The following TUBGCP2 variants were observed in gnomAD, a reference collection of about 807,000 sequenced individuals.
The protein encoded by TUBGCP2 is tubulin gamma complex component 2, also known as gamma-tubulin complex component 2.
Under a neutral mutation model 92.2 loss-of-function variants are expected in TUBGCP2, and 55 were observed. That is an observed-to-expected ratio of 0.60 (90% CI 0.48 to 0.75). TUBGCP2 has a LOEUF of 0.75. Among genes scored for constraint, TUBGCP2 ranks in the 30% least tolerant of loss-of-function variants. The pLI is 0.00. For missense variants in TUBGCP2, 1,093 were observed against 1,188.9 expected (o/e 0.92, Z 1.19); for synonymous variants, 533 against 505.2 (o/e 1.06, Z -0.74).
chr10:133,284,090 T>G (rs1847066671), intron 13 of TUBGCP2, 88 bp from the exon 14 acceptor site: 6 of 1,553,240 alleles, frequency 3.9e-6, no homozygotes, highest in Non-Finnish European at 5.2e-6. Flanking sequence ...AGGACAGCCA[T>G]GGAGGACGTT....
At chr10:133,312,329 T>C (rs1006190501), upstream of TUBGCP2, 23 of 1,168,466 alleles carry the variant, frequency 2.0e-5, no homozygotes, top group Non-Finnish European at 2.4e-5. Context: ...CTAGTTAAAG[T>C]TGATTTTAAA....
chr10:133,300,586 A>G (rs974384582), intron 2 of TUBGCP2: 1 of 154,428 alleles, frequency 6.5e-6, no homozygotes, highest in Non-Finnish European at 1.4e-5. Flanking sequence ...AAACAAAACA[A>G]AACAAACCTT....
At chr10:133,302,606 C>T in intron 2 of TUBGCP2, 186 bp downstream of exon 2, 1 of 661,092 alleles carries the variant, frequency 1.5e-6, no homozygotes, top group Non-Finnish European at 2.6e-6. Flanking sequence ...AGTGTTCATC[C>T]TGCACCCTGA....
At chr10:133,307,061 C>T (rs887944093) in intron 1 of TUBGCP2, among the ~76,000 whole-genome samples, 1 of 152,214 alleles carries the variant, frequency 6.6e-6, no homozygotes, top group Non-Finnish European at 1.5e-5. Flanking sequence ...GCGGGGGATG[C>T]TAATCATCAA....
chr10:133,291,331 A>ACG (rs1564938964), intron 8 of TUBGCP2, among the ~76,000 whole-genome samples: 7 of 14,254 alleles, frequency 4.9e-4, no homozygotes, highest in Admixed American at 2.4e-3. Context: ...GGCAGCATGC[A>ACG]CCGTCCGTGT....
chr10:133,286,964 G>C (rs1417476257), intron 11 of TUBGCP2, among the ~76,000 whole-genome samples: 1 of 152,098 alleles, frequency 6.6e-6, no homozygotes, highest in Non-Finnish European at 1.5e-5. Context: ...GCAGACAGGA[G>C]TAACAAAGAT....
At chr10:133,310,320 C>G, upstream of TUBGCP2, 1 of 1,611,778 alleles carries the variant, frequency 6.2e-7, no homozygotes, top group Non-Finnish European at 8.5e-7. Flanking sequence ...CACGTGTCTG[C>G]TTTTGATTTT....
chr10:133,309,421 A>C (rs147218077), upstream of TUBGCP2: 462 of 1,612,496 alleles, frequency 2.9e-4, no homozygotes, highest in Non-Finnish European at 3.6e-4. Flanking sequence ...CTCTACCTCC[A>C]GGACGTGATC....
At chr10:133,311,909 A>C (rs780221193), upstream of TUBGCP2, 1 of 1,613,056 alleles carries the variant, frequency 6.2e-7, no homozygotes. Flanking sequence ...TCTGGGCTGC[A>C]CCTGGGCCGC....
chr10:133,289,337 C>T (rs1166104767), intron 9 of TUBGCP2, among the ~76,000 whole-genome samples: 1 of 152,220 alleles, frequency 6.6e-6, no homozygotes. Context: ...TTCGAACAGG[C>T]ATTATGAGAA....
chr10:133,301,700 C>CTTTTTTTTTTTTTTTTTTTT (rs71016439), intron 2 of TUBGCP2: 5 of 87,254 alleles, frequency 5.7e-5, no homozygotes, highest in African/African-American at 2.0e-4. Flanking sequence ...CAGTCCCTCC[C>CTTTTTTTTTTTTTTTTTTTT]TTTTTTTTTT....
At chr10:133,300,744 C>T (rs1022431104) in intron 2 of TUBGCP2, among the ~76,000 whole-genome samples, 4 of 152,114 alleles carry the variant, frequency 2.6e-5, no homozygotes, top group African/African-American at 7.2e-5. Context: ...AAAGTGCTGG[C>T]GTTACAGGTG....
Position 133,285,261 on chromosome 10 carries a change from C to T in TUBGCP2, c.1896-48G>A, listed in dbSNP as rs371277613. The T allele has an allele frequency of 3.4e-5, 55 of 1,606,924 alleles. No individual in the cohort carries two copies. Among genetic ancestry groups the T allele is most frequent in the Middle Eastern group, 1.6e-4 (1 of 6,082 alleles). On this transcript the variant is annotated intron_variant, in intron 12 of 17. Transcript: ENST00000252936. This position sits in a 1 kb window ranked among gnomAD's most constrained non-coding sequence, Gnocchi z 6.8. ...TCAGGTGGGCCTCCGTGACCGGCGG[C>T]GTCGTGGACACGGCGTCTGTACTCC...
At chr10:133,301,128 GGGTTAT>G (rs1847642022) in intron 2 of TUBGCP2, among the ~76,000 whole-genome samples, 1 of 152,140 alleles carries the variant, frequency 6.6e-6, no homozygotes, top group East Asian at 1.9e-4. Flanking sequence ...GCAACCCTAG[GGGTTAT>G]GCTTTTTCTT....
intron 8 of TUBGCP2, among the ~76,000 whole-genome samples, chr10:133,291,269 C>T (rs926579544): frequency 5.8e-5 from 4 of 68,770 alleles, no homozygotes; most frequent in Non-Finnish European, 1.1e-4. Context: ...TCCGTGTCCC[C>T]CATGTCCCTC....
At chr10:133,310,214 C>G (rs1266184829), upstream of TUBGCP2, 1 of 1,614,074 alleles carries the variant, frequency 6.2e-7, no homozygotes. Context: ...CCAGCAGAGA[C>G]CGGAAGGATC....
Position 133,283,822 on chromosome 10 carries a change from T to C in TUBGCP2, c.2145+60A>G, listed in dbSNP as rs985237283. 3.1e-6 allele frequency: 5 copies of C among 1,598,242 alleles called. No individual in the cohort carries two copies. In the African/African-American group the frequency reaches 6.7e-5, roughly 21 times the overall value. ...CTCGCCCTGCCTCTCCTGCACTTCC[T>C]GTCTCCCTGTGAAAGGAAAGTGGCT... On this transcript the variant is annotated intron_variant, in intron 14 of 17. Transcript: ENST00000252936.
At position 133,285,448 on chromosome 10, in the gene TUBGCP2, A is replaced by G; in HGVS notation, c.1895+8T>C. The G allele has an allele frequency of 1.2e-6, 2 of 1,613,358 alleles. No homozygotes were observed. Among genetic ancestry groups the G allele is most frequent in the Non-Finnish European group, 1.7e-6 (2 of 1,179,920 alleles). On this transcript the variant is annotated splice_region_variant and intron_variant, in intron 12 of 17. Transcript: ENST00000252936. The surrounding 1 kb of genome is among the most constrained non-coding windows in gnomAD (Gnocchi z 6.8). ...GATCTGGCAGGTGCCCGAGCAGCCG[A>G]CCCGCACCTGTTGATGATGAGCGAA...
chr10:133,284,206 C>G (rs1157074538), intron 13 of TUBGCP2, among the ~76,000 whole-genome samples: 1 of 152,222 alleles, frequency 6.6e-6, no homozygotes, highest in African/African-American at 2.4e-5. Context: ...TCACCGTCTA[C>G]CAACCTGTGC....
Sources: allele counts gnomAD v4.1 joint callset (sites outside exome capture counted in the v4.1 genomes callset), GRCh38; gene constraint gnomAD v4.1.1; non-coding constraint Gnocchi (gnomAD v3.1); transcripts MANE v1.5; gene names NCBI Gene and HGNC (gene_info 2026-07-23, HGNC 2026-07-21).